Variants in EXOC4 observed in about 807,000 individuals in gnomAD.
EXOC4 encodes the protein exocyst complex component 4.
Under a neutral mutation model 107.2 loss-of-function variants are expected in EXOC4, and 71 were observed. The ratio of observed to expected loss-of-function variants is 0.66; its 90% confidence interval spans 0.55 to 0.81. The LOEUF is 0.81. EXOC4 is among the 30% of genes least tolerant of loss of function. EXOC4 has a pLI of 0.00. For missense variants in EXOC4, 1,108 were observed against 1,189.6 expected, an observed-to-expected ratio of 0.93 and a Z score of 1.01; for synonymous variants, 456 against 441.2, an observed-to-expected ratio of 1.03 and a Z score of -0.42.
At chr7:133,588,104 T>G (rs1801448916) in intron 9 of EXOC4, among the ~76,000 whole-genome samples, 1 of 152,232 alleles carries the variant, frequency 6.6e-6, no homozygotes, top group Non-Finnish European at 1.5e-5. Context: ...TAAGGGAAAT[T>G]GTGTATTTTA....
At chr7:133,307,055 A>G (rs769425172) in intron 4 of EXOC4, among the ~76,000 whole-genome samples, 25 of 152,328 alleles carry the variant, frequency 1.6e-4, no homozygotes, top group Middle Eastern at 3.4e-3. Flanking sequence ...AGCACTATCT[A>G]CTGAAATATA....
At chr7:133,552,297 A>G (rs1355916903) in intron 9 of EXOC4, among the ~76,000 whole-genome samples, 1 of 152,170 alleles carries the variant, frequency 6.6e-6, no homozygotes, top group African/African-American at 2.4e-5. Context: ...ATTGTTTTAC[A>G]TTGCATCTTA....
At chr7:133,728,613 G>A (rs1235463244) in intron 10 of EXOC4, among the ~76,000 whole-genome samples, 4 of 152,040 alleles carry the variant, frequency 2.6e-5, no homozygotes, top group African/African-American at 9.7e-5. Flanking sequence ...CTAGCTATTT[G>A]TAATTTACAG....
intron 9 of EXOC4, among the ~76,000 whole-genome samples, chr7:133,584,763 G>A (rs953729148): frequency 1.1e-4 from 17 of 151,878 alleles, no homozygotes; most frequent in African/African-American, 4.1e-4. Flanking sequence ...ATTTCTAGTA[G>A]AGATGGGGTT....
chr7:133,580,823 T>C (rs1482316651), intron 9 of EXOC4, among the ~76,000 whole-genome samples: 1 of 152,238 alleles, frequency 6.6e-6, no homozygotes, highest in African/African-American at 2.4e-5. Flanking sequence ...TGTGGATTCG[T>C]GTCAGACACT....
rs529204662 is a variant in EXOC4, at chr7:133,548,075, G to A, written c.1417+67937G>A. Among the ~76,000 whole-genome samples the A allele has an allele frequency of 7.9e-5, 12 of 151,988 alleles. No homozygotes were observed. In the South Asian group the frequency reaches 1.9e-3, roughly 24 times the overall value. On this transcript the variant is annotated intron_variant, in intron 9 of 17. Transcript: ENST00000253861. Reference sequence around the variant, plus strand: ...GAATCCAAATGACTCCTTGATGCACGGGCTGTAGAACAGATGCTGTATTAG... The same window carrying A: ...GAATCCAAATGACTCCTTGATGCACAGGCTGTAGAACAGATGCTGTATTAG...
chr7:133,929,046 C>T (rs1220519891), intron 13 of EXOC4, among the ~76,000 whole-genome samples: 1 of 149,234 alleles, frequency 6.7e-6, no homozygotes, highest in Non-Finnish European at 1.5e-5. Context: ...GATTCTTCTG[C>T]CTCAGTCTCC....
At chr7:133,736,222 A>G (rs948320609) in intron 10 of EXOC4, among the ~76,000 whole-genome samples, 3 of 152,222 alleles carry the variant, frequency 2.0e-5, no homozygotes, top group Admixed American at 1.3e-4. Flanking sequence ...CTTCTACCCC[A>G]AGTTTATCCA....
intron 9 of EXOC4, among the ~76,000 whole-genome samples, chr7:133,565,063 T>G (rs925488032): frequency 6.6e-6 from 1 of 152,178 alleles, no homozygotes; most frequent in Admixed American, 6.5e-5. Context: ...GAGTTAGAAT[T>G]AGAATCCCAA....
rs1424137158 is a variant in EXOC4 at position 133,475,362 on chromosome 7, C to T, written c.1217C>T (p.Thr406Ile). The change falls in exon 8 of 18, where the codon ACT becomes ATT. Residue 406 changes from threonine (T) to isoleucine (I), a missense_variant. Transcript: ENST00000253861. The part of the protein sequence containing the change: ...LLTEYLDMKN[T>I]RTASEPSAQL... ...ACTGAGTACTTGGATATGAAAAATA[C>T]TCGTACGGCCTCTGAACCATCAGCT... 1 of 1,613,674 alleles carries T rather than the reference C, an allele frequency of 6.2e-7. No homozygotes were observed. The highest frequency in any genetic ancestry group is 8.5e-7 in the Non-Finnish European group (1 of 1,179,620).
intron 10 of EXOC4, among the ~76,000 whole-genome samples, chr7:133,672,223 C>G (rs1459038922): frequency 6.6e-6 from 1 of 151,842 alleles, no homozygotes; most frequent in Non-Finnish European, 1.5e-5. Context: ...AACCCCGTCT[C>G]TACTAAAAAT....
intron 7 of EXOC4, among the ~76,000 whole-genome samples, chr7:133,408,258 C>T (rs1212149122): frequency 1.4e-5 from 2 of 139,098 alleles, no homozygotes; most frequent in Non-Finnish European, 3.1e-5. Flanking sequence ...TGGGGTGGGA[C>T]TGGTGATCGT....
intron 10 of EXOC4, among the ~76,000 whole-genome samples, chr7:133,676,491 G>C (rs537484644): frequency 2.0e-5 from 3 of 152,248 alleles, no homozygotes; most frequent in African/African-American, 7.2e-5. Context: ...CTTCTAAATA[G>C]TTTGGCTGCC....
chr7:133,937,961 A>T lies in EXOC4; in HGVS notation c.2098A>T (p.Ile700Phe). 1.2e-6 allele frequency: 2 copies of T among 1,614,170 alleles called. No homozygotes were observed. The highest frequency in any genetic ancestry group is 1.7e-6 in the Non-Finnish European group (2 of 1,180,014). Residue 700 changes from isoleucine (I) to phenylalanine (F), a missense_variant, in exon 14 of 18, where the codon ATC becomes TTC. Ile to Phe is a conservative substitution (Grantham distance 21). Transcript: ENST00000253861. The stretch of plus-strand genomic sequence containing the variant: ...TGATAAATTAATCCCTCCACAAGAC[A>T]TCCTTCGTGACGTCAGTGACCTCAA... ...LGDKLIPPQD[I>F]LRDVSDLKAL... is the part of the protein sequence containing the mutation.
At chr7:133,481,695 G>A (rs1799162135) in intron 9 of EXOC4, among the ~76,000 whole-genome samples, 1 of 152,202 alleles carries the variant, frequency 6.6e-6, no homozygotes, top group African/African-American at 2.4e-5. Flanking sequence ...GTATTAGGAA[G>A]AGGAGATTAG....
intron 2 of EXOC4, among the ~76,000 whole-genome samples, chr7:133,283,167 C>T (rs1258467901): frequency 6.6e-6 from 1 of 152,110 alleles, no homozygotes; most frequent in African/African-American, 2.4e-5. Flanking sequence ...GTAAATGGTG[C>T]AGTCGGCTCA....
intron 12 of EXOC4, among the ~76,000 whole-genome samples, chr7:133,905,481 A>T (rs1370216983): frequency 6.6e-6 from 1 of 152,168 alleles, no homozygotes; most frequent in Non-Finnish European, 1.5e-5. Flanking sequence ...TGAGTTGCCT[A>T]CTTCCAAGCA....
chr7:133,827,775 T>G (rs1412627636), intron 11 of EXOC4, among the ~76,000 whole-genome samples: 1 of 152,192 alleles, frequency 6.6e-6, no homozygotes, highest in African/African-American at 2.4e-5. Flanking sequence ...AAGAATGAAC[T>G]GGAGGACTTT....
chr7:133,441,201 T>G (rs1006361405), intron 7 of EXOC4, among the ~76,000 whole-genome samples: 5 of 152,128 alleles, frequency 3.3e-5, no homozygotes, highest in Admixed American at 6.5e-5. Context: ...ACGGGAGAGA[T>G]ATTTACAGCA....
Sources: gnomAD v4.1 joint callset for allele counts (sites outside exome capture counted in the v4.1 genomes callset) on GRCh38, gnomAD v4.1.1 for gene constraint, MANE v1.5 for transcripts, NCBI Gene and HGNC (gene_info 2026-07-23, HGNC 2026-07-21) for gene names.